NBEAL1: variants seen among roughly 807,000 people sequenced by gnomAD.
NBEAL1 encodes the protein neurobeachin like 1, also known as neurobeachin-like protein 1.
NBEAL1 carries 273 observed loss-of-function variants against 351.3 expected under a neutral mutation model. The ratio of observed to expected loss-of-function variants is 0.78; its 90% CI spans 0.70 to 0.86. The LOEUF (loss-of-function observed/expected upper bound fraction) is 0.86, where lower values mean the gene tolerates loss of function less well. NBEAL1 is among the 40% of genes least tolerant of loss of function. NBEAL1 has a pLI of 0.00. For missense variants in NBEAL1, 2,961 were observed against 3,201.3 expected (o/e 0.92, Z 1.81); for synonymous variants, 1,050 against 1,086.4 (o/e 0.97, Z 0.66).
chr2:203,206,496 A>G (rs899276707), intron 51 of NBEAL1, among the ~76,000 whole-genome samples: 2 of 151,656 alleles, frequency 1.3e-5, no homozygotes, highest in East Asian at 1.9e-4. Flanking sequence ...CTGCCATCTC[A>G]GCTCACTGCA....
chr2:203,115,876 T>C, intron 17 of NBEAL1, 109 bp from the exon 18 acceptor site: 1 of 638,620 alleles, frequency 1.6e-6, no homozygotes, highest in Non-Finnish European at 2.6e-6. Context: ...TTCAGCTGTG[T>C]TGTTTGAGTA....
rs1385452996 is a variant in NBEAL1, at chr2:203,190,674, G to T, written c.6921+285G>T. The T allele has an allele frequency of 4.9e-6, 7 of 1,423,374 alleles. No homozygotes were observed. In the African/African-American group the frequency reaches 1.0e-4, roughly 20 times the overall value. The allele number at this position is 1,423,374 out of a possible 1,614,324, so 88.2% of individuals were successfully genotyped here. ...ACTTGCTTTCCAGAGCCCAAACCCAGTCTTAAGAATCAAATTGCTCTCGGC... is the reference window on the plus strand; with the variant it reads ...ACTTGCTTTCCAGAGCCCAAACCCATTCTTAAGAATCAAATTGCTCTCGGC... On this transcript the variant is annotated intron_variant, in intron 46 of 55. Coordinates refer to ENST00000683969, the MANE Select transcript of NBEAL1 (RefSeq NM_001378026.1).
At chr2:203,137,398 T>C (rs1057260332) in intron 29 of NBEAL1, among the ~76,000 whole-genome samples, 2 of 152,138 alleles carry the variant, frequency 1.3e-5, no homozygotes, top group African/African-American at 4.8e-5. Flanking sequence ...GCCAAAAGAT[T>C]GGACACCCCT....
intron 9 of NBEAL1, among the ~76,000 whole-genome samples, chr2:203,083,832 A>G (rs2061915431): frequency 6.6e-6 from 1 of 152,210 alleles, no homozygotes; most frequent in African/African-American, 2.4e-5. Flanking sequence ...AATTTTCAGA[A>G]AGCACCATTT....
chr2:203,032,659 G>GC (rs1328664684), intron 2 of NBEAL1, among the ~76,000 whole-genome samples: 47 of 96,228 alleles, frequency 4.9e-4, no homozygotes, highest in Non-Finnish European at 4.5e-4. Flanking sequence ...GGAAATTGTA[G>GC]CTTTTTTTTT....
intron 29 of NBEAL1, among the ~76,000 whole-genome samples, chr2:203,137,363 CCTT>C (rs1300626043): frequency 6.6e-6 from 1 of 152,114 alleles, no homozygotes; most frequent in Admixed American, 6.5e-5. Flanking sequence ...CCAAGACAGT[CCTT>C]CTTCCAGTGT....
intron 41 of NBEAL1, among the ~76,000 whole-genome samples, chr2:203,173,496 C>G (rs2064386723): frequency 1.3e-5 from 2 of 152,090 alleles, no homozygotes; most frequent in South Asian, 4.1e-4. Context: ...CTATTTTACA[C>G]ATTAACTTAG....
At chr2:203,166,008 C>A in intron 36 of NBEAL1, 141 bp from the exon 37 acceptor site, 1 of 675,556 alleles carries the variant, frequency 1.5e-6, no homozygotes, top group Non-Finnish European at 2.3e-6. Context: ...CATTGTGCCA[C>A]TGCACTCCAG....
chr2:203,058,851 A>C (rs2061449568), intron 6 of NBEAL1, among the ~76,000 whole-genome samples: 1 of 152,212 alleles, frequency 6.6e-6, no homozygotes, highest in African/African-American at 2.4e-5. Context: ...TAGCTTAGTG[A>C]CAATAGCTGA....
chr2:203,094,225 T>A (rs2062129798), intron 10 of NBEAL1, among the ~76,000 whole-genome samples: 5 of 152,216 alleles, frequency 3.3e-5, no homozygotes, highest in Non-Finnish European at 5.9e-5. Context: ...AAATGTTTTC[T>A]GTATATTAAA....
At position 203,057,395 on chromosome 2, in the gene NBEAL1, T is replaced by G. The variant is rs1286614664; in HGVS notation, c.457T>G (p.Leu153Val). The G allele has an allele frequency of 1.2e-5, 19 of 1,552,812 alleles. No homozygotes were observed. Among genetic ancestry groups the G allele is most frequent in the Non-Finnish European group, 1.6e-5 (18 of 1,146,766 alleles). The change falls in exon 6 of 56, where the codon TTG becomes GTG. Residue 153 changes from leucine (L) to valine (V), a missense_variant. Coordinates refer to ENST00000683969, the MANE Select transcript of NBEAL1 (RefSeq NM_001378026.1). Reference protein sequence around the residue: ...TCIEEFVIHALAFCESLYDPY... With the variant: ...TCIEEFVIHAVAFCESLYDPY... ...TATTGAAGAATTTGTGATCCACGCATTGGCATTTTGTGAAAGCTTATATGA... is the reference window on the plus strand; with the variant it reads ...TATTGAAGAATTTGTGATCCACGCAGTGGCATTTTGTGAAAGCTTATATGA...
chr2:203,111,555 A>G (rs1006552288), intron 15 of NBEAL1, among the ~76,000 whole-genome samples: 1 of 151,974 alleles, frequency 6.6e-6, no homozygotes, highest in African/African-American at 2.4e-5. Flanking sequence ...ATTTTTTAGT[A>G]GAGGTGGGGT....
At chr2:203,127,019 C>T (rs767062649) in intron 23 of NBEAL1, 93 bp downstream of exon 23, 19 of 853,804 alleles carry the variant, frequency 2.2e-5, no homozygotes, top group South Asian at 7.2e-5. Flanking sequence ...TCTTTACCAG[C>T]GATTCTAGTA....
chr2:203,097,423 T>C (rs17473735), intron 10 of NBEAL1, 124 bp from the exon 11 acceptor site: 80,397 of 173,508 alleles, frequency 0.46, 21,136 homozygotes, highest in Middle Eastern at 0.65. Flanking sequence ...AAGTGTAGTA[T>C]ATTTCACAAG....
At chr2:203,052,513 C>G (rs1229384359) in intron 4 of NBEAL1, 1 of 152,108 alleles carries the variant, frequency 6.6e-6, no homozygotes, top group Non-Finnish European at 1.5e-5. Flanking sequence ...GACTGGCTTC[C>G]TTCACTTAGC....
chr2:203,060,546 C>T (rs544505192), intron 6 of NBEAL1, among the ~76,000 whole-genome samples: 1 of 152,138 alleles, frequency 6.6e-6, no homozygotes, highest in South Asian at 2.1e-4. Flanking sequence ...CCCAGAGATC[C>T]AACACACTTA....
chr2:203,028,864 G>C (rs553300293), intron 2 of NBEAL1, among the ~76,000 whole-genome samples: 106 of 152,026 alleles, frequency 7.0e-4, no homozygotes, highest in African/African-American at 2.5e-3. Context: ...CAGAAAAATT[G>C]AGCAGAAAGT....
intron 55 of NBEAL1, among the ~76,000 whole-genome samples, chr2:203,215,544 TG>T (rs769690918): frequency 2.6e-5 from 4 of 151,714 alleles, no homozygotes; most frequent in Admixed American, 6.6e-5. Context: ...ACAAATTAGC[TG>T]GGTGTGGTGG....
At position 203,116,962 on chromosome 2, in the gene NBEAL1, C is replaced by T. The variant is rs575815614; in HGVS notation, c.2592+892C>T. Among the ~76,000 whole-genome samples, 22 of 151,924 alleles carry T rather than the reference C, an allele frequency of 1.4e-4. No individual in the cohort carries two copies. In the East Asian group the frequency reaches 4.1e-3, roughly 28 times the overall value. ...CTAAAAATACAAAAAATTAGCCAGG[C>T]TTGGTGGCAGGCACCTGTAGTTCCA... On this transcript the variant is annotated intron_variant, in intron 18 of 55. Transcript: ENST00000683969.
Sources: allele counts gnomAD v4.1 joint callset (sites outside exome capture counted in the v4.1 genomes callset), GRCh38; gene constraint gnomAD v4.1.1; transcripts MANE v1.5; gene names NCBI Gene and HGNC (gene_info 2026-07-23, HGNC 2026-07-21).